Variants in WNT2 observed in about 807,000 individuals in gnomAD.
WNT2 encodes protein Wnt-2.
Under a neutral mutation model 36.9 loss-of-function variants are expected in WNT2, and 12 were observed. That is an observed-to-expected ratio of 0.33 (90% CI 0.21 to 0.53). The LOEUF is 0.53. Among genes scored for constraint, WNT2 ranks in the 20% least tolerant of loss-of-function variants. WNT2 has a pLI of 0.95. For synonymous variants in WNT2, 163 were observed against 174.6 expected (o/e 0.93, Z 0.52); for missense variants, 379 against 473.1 (o/e 0.80, Z 1.84).
chr7:117,309,538 A>G (rs1042564553), intron 3 of WNT2, among the ~76,000 whole-genome samples: 8 of 152,112 alleles, frequency 5.3e-5, no homozygotes, highest in Non-Finnish European at 1.0e-4. Context: ...GATTCTGGCC[A>G]CCCTGCTAAA....
At chr7:117,299,140 C>G (rs777727029) in intron 3 of WNT2, among the ~76,000 whole-genome samples, 9 of 152,292 alleles carry the variant, frequency 5.9e-5, no homozygotes, top group Admixed American at 1.3e-4. Context: ...AATTCCTCTT[C>G]GGAATTACAC....
intron 4 of WNT2, among the ~76,000 whole-genome samples, chr7:117,295,265 A>C (rs1794768294): frequency 2.0e-5 from 3 of 152,212 alleles, no homozygotes; most frequent in African/African-American, 7.2e-5. Flanking sequence ...GTCCTCCCAT[A>C]AAATGGGATA....
chr7:117,319,394 G>C (rs1291372531), intron 2 of WNT2, among the ~76,000 whole-genome samples: 1 of 152,064 alleles, frequency 6.6e-6, no homozygotes, highest in Non-Finnish European at 1.5e-5. Flanking sequence ...CTACGCCCTT[G>C]GGGGATTTTA....
intron 2 of WNT2, among the ~76,000 whole-genome samples, chr7:117,319,053 T>A (rs1795272393): frequency 1.3e-5 from 2 of 152,194 alleles, no homozygotes; most frequent in South Asian, 2.1e-4. Flanking sequence ...TTTGAAATCA[T>A]TGCAAAATGG....
At chr7:117,298,275 A>C (rs1794833224) in intron 3 of WNT2, among the ~76,000 whole-genome samples, 1 of 152,244 alleles carries the variant, frequency 6.6e-6, no homozygotes, top group Non-Finnish European at 1.5e-5. Flanking sequence ...TAATATAAAA[A>C]TGTATGTATT....
intron 3 of WNT2, among the ~76,000 whole-genome samples, chr7:117,312,602 CA>C: frequency 6.6e-6 from 1 of 152,256 alleles, no homozygotes; most frequent in Non-Finnish European, 1.5e-5. Context: ...TTGTTTTGAA[CA>C]AGACAGGCTT....
At position 117,287,903 on chromosome 7, in the gene WNT2, G is replaced by A. The variant is rs185690201; in HGVS notation, c.854-9519C>T. Among the ~76,000 whole-genome samples the A allele has an allele frequency of 4.2e-3, 640 of 152,180 alleles. 21 individuals carry two copies. In the South Asian group the frequency reaches 0.076, roughly 18 times the overall value. ...CTCGGGAGGCTGAGGCAGGAGAATC[G>A]TTTGAACCCAGAAGGCAGAGGTTGC... On this transcript the variant is annotated intron_variant, in intron 4 of 4. Transcript: ENST00000265441.
intron 4 of WNT2, among the ~76,000 whole-genome samples, chr7:117,292,457 T>A (rs992807900): frequency 6.6e-6 from 1 of 152,134 alleles, no homozygotes; most frequent in Non-Finnish European, 1.5e-5. Flanking sequence ...GGTAATTGCC[T>A]TGAAGAGTCA....
At position 117,323,022 on chromosome 7, in the gene WNT2, T is replaced by TC. The variant is rs1360214738; in HGVS notation, c.-34dup. On this transcript the variant is annotated 5_prime_UTR_variant, in exon 1 of 5. It removes the in-frame stop codon of an upstream open reading frame in the 5' UTR. Coordinates refer to ENST00000265441, the MANE Select transcript of WNT2 (RefSeq NM_003391.3). ...CCCTTGCGTCTGCATCAGGTCAGAC[T>TC]CCGTGTGCGGGCGCCATGCGTGCCC... 6.3e-7 allele frequency: 1 copy of TC among 1,575,958 alleles called. No individual in the cohort carries two copies. The highest frequency in any genetic ancestry group is 1.4e-5 in the African/African-American group (1 of 72,840).
chr7:117,293,341 A>C (rs543629031), intron 4 of WNT2, among the ~76,000 whole-genome samples: 2 of 152,274 alleles, frequency 1.3e-5, no homozygotes, highest in East Asian at 3.9e-4. Context: ...AAAGCCAGTC[A>C]GTTCCAAATA....
chr7:117,283,765 AAT>A (rs1290372967), intron 4 of WNT2, among the ~76,000 whole-genome samples: 1 of 152,260 alleles, frequency 6.6e-6, no homozygotes, highest in South Asian at 2.1e-4. Context: ...AGCCTCTGGC[AAT>A]ATGTCTCAGT....
In WNT2 at chr7:117,315,331, A is replaced by C; in HGVS notation, c.328T>G (p.Phe110Val). 6.2e-7 allele frequency: 1 copy of C among 1,613,242 alleles called. No homozygotes were observed. Among genetic ancestry groups the C allele is most frequent in the Non-Finnish European group, 8.5e-7 (1 of 1,179,582 alleles). Residue 110 changes from phenylalanine (F) to valine (V), a missense_variant, in exon 3 of 5, where the codon TTT becomes GTT. Transcript: ENST00000265441. ...CCAGCTGAGGAGATGGCATAAACAA[A>C]GGCAGATTCCCGACTACCTGAAACA... is the stretch of plus-strand genomic sequence containing the variant. ...VLLRSSRESA[F>V]VYAISSAGVV...
At chr7:117,280,807 T>C (rs1481927358) in intron 4 of WNT2, among the ~76,000 whole-genome samples, 1 of 152,208 alleles carries the variant, frequency 6.6e-6, no homozygotes, top group Non-Finnish European at 1.5e-5. Context: ...ATAAAATAAG[T>C]GCTCAATAAA....
intron 3 of WNT2, among the ~76,000 whole-genome samples, chr7:117,303,667 A>T (rs570598045): frequency 6.6e-6 from 1 of 152,218 alleles, no homozygotes; most frequent in African/African-American, 2.4e-5. Context: ...TTCTGTAACT[A>T]TAAGTAAATT....
chr7:117,315,199 A>C lies in WNT2; in HGVS notation c.460T>G (p.Trp154Gly). 6.2e-7 allele frequency: 1 copy of C among 1,614,142 alleles called. No homozygotes were observed. Among genetic ancestry groups the C allele is most frequent in the Non-Finnish European group, 8.5e-7 (1 of 1,180,026 alleles). ...TCAATGTTATCACTGCAGCCACCCC[A>C]ATCAAAAATGCCTTTGCTGTCCTTG... ...SAKDSKGIFDWGGCSDNIDYG... is the reference protein window; with the variant it reads ...SAKDSKGIFDGGGCSDNIDYG... The change falls in exon 3 of 5, where the codon TGG becomes GGG. Residue 154 changes from tryptophan (W) to glycine (G), a missense_variant. By Grantham distance (184) the Trp-to-Gly change is radical. Coordinates refer to ENST00000265441, the MANE Select transcript of WNT2 (RefSeq NM_003391.3).
intron 3 of WNT2, among the ~76,000 whole-genome samples, chr7:117,305,603 T>C (rs1795000449): frequency 6.6e-6 from 1 of 152,204 alleles, no homozygotes; most frequent in African/African-American, 2.4e-5. Flanking sequence ...ATTTAGGAAC[T>C]CTGGTTGTAG....
rs954853283 is a variant in WNT2, at chr7:117,322,453, T to C, written c.83+454A>G. 2.0e-5 allele frequency among the ~76,000 whole-genome samples: 3 copies of C among 151,246 alleles called. No homozygotes were observed. Among genetic ancestry groups the C allele is most frequent in the African/African-American group, 7.3e-5 (3 of 41,074 alleles). The stretch of plus-strand genomic sequence containing the variant: ...GTTCTACAACTCCTGACTGGCTGAA[T>C]TGGCCCGTCGATTTACCTTGAGGCA... On this transcript the variant is annotated intron_variant, in intron 1 of 4. Transcript: ENST00000265441. This position sits in a 1 kb window ranked among gnomAD's most constrained non-coding sequence, Gnocchi z 5.4.
chr7:117,295,114 AGAGAC>A (rs762306638), intron 4 of WNT2, among the ~76,000 whole-genome samples: 8 of 150,760 alleles, frequency 5.3e-5, no homozygotes, highest in Admixed American at 2.0e-4. Context: ...AGAAGAGAAG[AGAGAC>A]GAGACGAGAC....
At chr7:117,318,273 T>G (rs987055437) in intron 2 of WNT2, among the ~76,000 whole-genome samples, 1 of 152,234 alleles carries the variant, frequency 6.6e-6, no homozygotes, top group Admixed American at 6.5e-5. Flanking sequence ...AATCTTTGGA[T>G]AGCTTCATTG....
Sources: gnomAD v4.1 joint callset for allele counts (sites outside exome capture counted in the v4.1 genomes callset) on GRCh38, gnomAD v4.1.1 for gene constraint, Gnocchi (gnomAD v3.1) non-coding constraint, MANE v1.5 for transcripts, NCBI Gene and HGNC (gene_info 2026-07-23, HGNC 2026-07-21) for gene names.